Variants in EPS8L2 observed in about 807,000 individuals in gnomAD.
EPS8L2 encodes epidermal growth factor receptor kinase substrate 8-like protein 2.
Under a neutral mutation model 99.4 loss-of-function variants are expected in EPS8L2, and 81 were observed. That is an observed-to-expected ratio of 0.82 (90% CI 0.68 to 0.98). The LOEUF is 0.98. Ranked by LOEUF, EPS8L2 falls within the 50% of genes least tolerant of loss-of-function variation. The pLI is 0.00. For synonymous variants in EPS8L2, 509 were observed against 407.3 expected (o/e 1.25, Z -3.01); for missense variants, 1,155 against 968.8 (o/e 1.19, Z -2.55).
chr11:709,929 G>T, intron 3 of EPS8L2: 1 of 469,488 alleles, frequency 2.1e-6, no homozygotes, highest in East Asian at 3.9e-5. Context: ...CAGGAGGGGG[G>T]CCTGGCCAGC....
intron 19 of EPS8L2, 51 bp downstream of exon 19, chr11:726,535 C>A: frequency 6.7e-7 from 1 of 1,498,076 alleles, no homozygotes. Flanking sequence ...GTGGGAGGTG[C>A]GGCCGAAGGT....
chr11:716,154 T>G (rs1222402136), intron 4 of EPS8L2, among the ~76,000 whole-genome samples: 5 of 145,480 alleles, frequency 3.4e-5, no homozygotes, highest in African/African-American at 1.0e-4. Context: ...TGTGTGGGGT[T>G]TTTTTTTTTT....
At chr11:721,881 C>G (rs1266456414) in intron 10 of EPS8L2, 22 bp from the exon 11 acceptor site, 1 of 1,569,792 alleles carries the variant, frequency 6.4e-7, no homozygotes, top group Non-Finnish European at 8.6e-7. Flanking sequence ...CAGCCTGGCT[C>G]ACGCGGTGCC....
At position 720,330 on chromosome 11, in the gene EPS8L2, G is replaced by A. The variant is rs1862122382; in HGVS notation, c.327+107G>A. On this transcript the variant is annotated intron_variant, in intron 5 of 20. Coordinates refer to ENST00000318562, the MANE Select transcript of EPS8L2 (RefSeq NM_022772.4). ...CGGTCCTCTCTGCAGGGCCGGCCAT[G>A]CCCTATCATTCTGGTCCCTGGAAGA... 3.1e-6 allele frequency: 4 copies of A among 1,275,294 alleles called. No homozygotes were observed. In the Admixed American group the frequency reaches 6.9e-5, roughly 22 times the overall value. 79.0% of individuals were successfully genotyped at this position (1,275,294 alleles called of 1,614,324 possible). A position where few individuals can be genotyped will look rare whatever the true frequency, so the allele number is the denominator to read the frequency against.
chr11:724,326 G>A lies in EPS8L2; in HGVS notation c.1455-398G>A, dbSNP rs921650672. 6.6e-6 allele frequency among the ~76,000 whole-genome samples: 1 copy of A among 151,884 alleles called. No homozygotes were observed. The highest frequency in any genetic ancestry group is 6.6e-5 in the Admixed American group (1 of 15,258). ...ATTTGGGCTGTGTTCAGTCCTCAGAGGGGCCACGGCTCTGAAGACATGCTG... is the reference window on the plus strand; with the variant it reads ...ATTTGGGCTGTGTTCAGTCCTCAGAAGGGCCACGGCTCTGAAGACATGCTG... On this transcript the variant is annotated intron_variant, in intron 15 of 20. Transcript: ENST00000318562. The surrounding 1 kb of genome is among the most constrained non-coding windows in gnomAD (Gnocchi z 5.5).
rs1430969185 is a variant in EPS8L2 at position 716,396 on chromosome 11, C to T, written c.166-3666C>T. On this transcript the variant is annotated intron_variant, in intron 4 of 20. Transcript: ENST00000318562. ...ATCTCCTGACTTTGTGATCTGCCTG[C>T]CTCAGCCTCCCAAAGTGCTGGGATA... Among the ~76,000 whole-genome samples, 3 of 152,282 alleles carry T rather than the reference C, an allele frequency of 2.0e-5. No individual in the cohort carries two copies. In the East Asian group the frequency reaches 5.8e-4, roughly 29 times the overall value.
intron 14 of EPS8L2, 61 bp downstream of exon 14, chr11:722,866 TCC>T: frequency 1.1e-6 from 1 of 896,538 alleles, no homozygotes; most frequent in Non-Finnish European, 1.4e-6. Context: ...TCACCAGAGC[TCC>T]CCCCCAGCCC....
chr11:710,547 C>G, intron 4 of EPS8L2, 61 bp downstream of exon 4: 1 of 1,433,692 alleles, frequency 7.0e-7, no homozygotes, highest in Non-Finnish European at 9.8e-7. Context: ...CATGGCTGTC[C>G]TCAGGTTCTC....
chr11:715,683 C>T (rs1236213705), intron 4 of EPS8L2, among the ~76,000 whole-genome samples: 5 of 145,670 alleles, frequency 3.4e-5, no homozygotes, highest in East Asian at 2.0e-4. Flanking sequence ...TGCAGTGGCA[C>T]GATCTTGATT....
chr11:718,824 A>G (rs1027503503), intron 4 of EPS8L2, among the ~76,000 whole-genome samples: 2 of 151,414 alleles, frequency 1.3e-5, no homozygotes, highest in African/African-American at 4.9e-5. Flanking sequence ...GCCTGCCACC[A>G]CGCCTGGCTA....
chr11:722,142 TTCC>T lies in EPS8L2; in HGVS notation c.1039_1041del (p.Leu347del). On this transcript the variant is annotated inframe_deletion, in exon 12 of 21. Coordinates refer to ENST00000318562, the MANE Select transcript of EPS8L2 (RefSeq NM_022772.4). ...CCCCAGCGCCGCGGAGCTCGTGCAC[TTCC>T]TCTTCGGGCCTCTGGACCTGGTGCC... is the stretch of plus-strand genomic sequence containing the variant. 6.2e-7 allele frequency: 1 copy of T among 1,612,568 alleles called. No individual in the cohort carries two copies. Among genetic ancestry groups the T allele is most frequent in the Non-Finnish European group, 8.5e-7 (1 of 1,179,710 alleles).
intron 4 of EPS8L2, among the ~76,000 whole-genome samples, chr11:716,573 G>A (rs948974142): frequency 8.5e-5 from 13 of 152,232 alleles, no homozygotes; most frequent in South Asian, 6.2e-4. Flanking sequence ...TTGATCTTAA[G>A]TCTTTCTTCT....
At position 726,623 on chromosome 11, in the gene EPS8L2, G is replaced by A. The variant is rs777533697; in HGVS notation, c.1939G>A (p.Val647Met). The stretch of plus-strand genomic sequence containing the variant: ...CGCCCAACTGCCCGCCCCCAGGATC[G>A]TGGAGAACCTGGGCATCCTGACCGG... ...LEAKAFSPRI[V>M]ENLGILTGPQ... Residue 647 changes from valine to methionine, a missense_variant, in exon 20 of 21, where the codon GTG (valine) becomes ATG (methionine). By Grantham distance (21) the Val-to-Met change is conservative. Coordinates refer to ENST00000318562, the MANE Select transcript of EPS8L2 (RefSeq NM_022772.4). 6.4e-7 allele frequency: 1 copy of A among 1,551,680 alleles called. No homozygotes were observed. Among genetic ancestry groups the A allele is most frequent in the Admixed American group, 2.0e-5 (1 of 51,050 alleles).
chr11:714,022 C>T (rs539859181), intron 4 of EPS8L2, among the ~76,000 whole-genome samples: 15 of 152,224 alleles, frequency 9.9e-5, no homozygotes, highest in African/African-American at 1.7e-4. Context: ...TGAGTCACTG[C>T]GTCCGGCCTC....
rs1210245734 is a variant in EPS8L2 at position 722,115 on chromosome 11, A to G, written c.1009A>G (p.Asn337Asp). Residue 337 changes from asparagine (N) to aspartate (D), a missense_variant, in exon 12 of 21, where the codon AAC becomes GAC. Coordinates refer to ENST00000318562, the MANE Select transcript of EPS8L2 (RefSeq NM_022772.4). ...LLAKLQKHIQ[N>D]PSAAELVHFL... ...GGCAAAGCTGCAGAAGCACATCCAG[A>G]ACCCCAGCGCCGCGGAGCTCGTGCA... 1 of 1,612,986 alleles carries G rather than the reference A, an allele frequency of 6.2e-7. No homozygotes were observed. Among genetic ancestry groups the G allele is most frequent in the Non-Finnish European group, 8.5e-7 (1 of 1,179,860 alleles).
intron 4 of EPS8L2, among the ~76,000 whole-genome samples, chr11:712,996 C>T (rs1861929352): frequency 6.6e-6 from 1 of 151,262 alleles, no homozygotes; most frequent in African/African-American, 2.4e-5. Context: ...CCCCAGCTGG[C>T]CTGGCCTGGC....
chr11:725,053 A>G (rs766327075), intron 16 of EPS8L2, among the ~76,000 whole-genome samples: 11 of 152,202 alleles, frequency 7.2e-5, no homozygotes, highest in Non-Finnish European at 1.3e-4. Context: ...AGGCATGCAG[A>G]GACCCCTGTG....
intron 9 of EPS8L2, 48 bp from the exon 10 acceptor site, chr11:721,517 G>A (rs745679160): frequency 4.2e-5 from 64 of 1,521,490 alleles, no homozygotes; most frequent in Non-Finnish European, 5.5e-5. Flanking sequence ...AGCAAGGCGG[G>A]GCGGTGGGGA....
chr11:726,064 G>A, intron 17 of EPS8L2, 34 bp from the exon 18 acceptor site: 1 of 1,452,306 alleles, frequency 6.9e-7, no homozygotes. Flanking sequence ...CGGGGGCGGG[G>A]CGTGGGGAGC....
Sources: allele counts gnomAD v4.1 joint callset (sites outside exome capture counted in the v4.1 genomes callset), GRCh38; gene constraint gnomAD v4.1.1; non-coding constraint Gnocchi (gnomAD v3.1); transcripts MANE v1.5; gene names NCBI Gene and HGNC (gene_info 2026-07-23, HGNC 2026-07-21).